LRRC8C: variants seen among roughly 807,000 people sequenced by gnomAD.
LRRC8C encodes leucine rich repeat containing 8 VRAC subunit C, also known as volume-regulated anion channel subunit LRRC8C.
Under a neutral mutation model 55.3 loss-of-function variants are expected in LRRC8C, and 20 were observed. The ratio of observed to expected loss-of-function variants is 0.36; its 90% CI spans 0.25 to 0.53. The LOEUF (loss-of-function observed/expected upper bound fraction) is 0.53. LRRC8C is among the 20% of genes least tolerant of loss of function. The probability of loss-of-function intolerance (pLI) is 0.92; values close to 1 mark genes in which losing one functional copy is unlikely to be tolerated. For missense variants in LRRC8C, 659 were observed against 951.4 expected (o/e 0.69, Z 4.04); for synonymous variants, 376 against 360.7 (o/e 1.04, Z -0.48).
rs1658713363 is a variant in LRRC8C at position 89,713,422 on chromosome 1, T to G, written c.852T>G (p.Val284=). ...TCATTGCATATAATAGTGCTCTGGT[T>G]TCCAAGGTCCAGTTTACAGTGGACT... ...LIIIAYNSAL[V]SKVQFTVDCN... The change falls in exon 3 of 3, where the codon GTT becomes GTG. Residue 284 remains valine, a synonymous_variant. Coordinates refer to ENST00000370454, the MANE Select transcript of LRRC8C (RefSeq NM_032270.5). This position sits in a 1 kb window ranked among gnomAD's most constrained non-coding sequence, Gnocchi z 5.2. 1 of 1,614,056 alleles carries G rather than the reference T, an allele frequency of 6.2e-7. No individual in the cohort carries two copies. The highest frequency in any genetic ancestry group is 1.3e-5 in the African/African-American group (1 of 74,936).
At chr1:89,690,183 A>T (rs1422625843) in intron 2 of LRRC8C, among the ~76,000 whole-genome samples, 1 of 152,184 alleles carries the variant, frequency 6.6e-6, no homozygotes, top group African/African-American at 2.4e-5. Context: ...AGGAGGCATC[A>T]TCCACCAGAA....
In LRRC8C at chr1:89,709,266, C is replaced by A. The variant is rs115898241; in HGVS notation, c.139-3443C>A. 6.0e-3 allele frequency among the ~76,000 whole-genome samples: 919 copies of A among 152,348 alleles called. 11 individuals are homozygous for A. Among genetic ancestry groups the A allele is most frequent in the African/African-American group, 0.021 (884 of 41,578 alleles). Reference sequence around the variant, plus strand: ...AAATTCCTGTTCTGCCATTTCCTAGCTGCGTGAACTTGTGCAGGTCACTGA... The same window carrying A: ...AAATTCCTGTTCTGCCATTTCCTAGATGCGTGAACTTGTGCAGGTCACTGA... On this transcript the variant is annotated intron_variant, in intron 2 of 2. Transcript: ENST00000370454.
intron 1 of LRRC8C, among the ~76,000 whole-genome samples, chr1:89,679,133 G>A (rs1570717989): frequency 6.6e-6 from 1 of 152,102 alleles, no homozygotes; most frequent in Admixed American, 6.5e-5. Flanking sequence ...CAAGGGGGTC[G>A]GGGAGAAGAG....
At chr1:89,653,923 AC>A (rs1656863236) in intron 1 of LRRC8C, among the ~76,000 whole-genome samples, 2 of 152,268 alleles carry the variant, frequency 1.3e-5, no homozygotes, top group Admixed American at 6.5e-5. Flanking sequence ...TCAAAAAGCT[AC>A]CCGCACTTGT....
At chr1:89,654,790 G>C (rs1656893543) in intron 1 of LRRC8C, among the ~76,000 whole-genome samples, 1 of 150,916 alleles carries the variant, frequency 6.6e-6, no homozygotes, top group African/African-American at 2.4e-5. Context: ...CCTCCTCCAA[G>C]CTTTTAGGAT....
intron 2 of LRRC8C, among the ~76,000 whole-genome samples, chr1:89,689,670 G>A (rs960713391): frequency 2.0e-5 from 3 of 152,110 alleles, no homozygotes; most frequent in African/African-American, 2.4e-5. Flanking sequence ...GCCGGGCATG[G>A]TGGCTCACAC....
chr1:89,684,495 G>T (rs923636084), intron 1 of LRRC8C, among the ~76,000 whole-genome samples: 3 of 152,148 alleles, frequency 2.0e-5, no homozygotes, highest in Middle Eastern at 3.2e-3. Flanking sequence ...CAGGCAGTAT[G>T]GCAAGTAATG....
chr1:89,714,438 A>G lies in LRRC8C; in HGVS notation c.1868A>G (p.Asn623Ser), dbSNP rs774193603. ...CAGGAATTGGACCTGAAGGAAAACA[A>G]TCTGAAATCTATAGAAGAAATCGTT... ...SLQELDLKENNLKSIEEIVSF... is the reference protein window; with the variant it reads ...SLQELDLKENSLKSIEEIVSF... The change falls in exon 3 of 3, where the codon AAT (asparagine) becomes AGT (serine). Residue 623 changes from asparagine to serine, a missense_variant. Transcript: ENST00000370454. This position sits in a 1 kb window ranked among gnomAD's most constrained non-coding sequence, Gnocchi z 4.6. 2.5e-6 allele frequency: 4 copies of G among 1,614,230 alleles called. No individual in the cohort carries two copies. Among genetic ancestry groups the G allele is most frequent in the South Asian group, 1.1e-5 (1 of 91,086 alleles).
chr1:89,684,663 G>A (rs1657820620), intron 1 of LRRC8C, among the ~76,000 whole-genome samples: 1 of 152,160 alleles, frequency 6.6e-6, no homozygotes, highest in African/African-American at 2.4e-5. Context: ...AGGCCATAAA[G>A]TGTCAGGAAA....
chr1:89,671,399 A>T (rs1657411023), intron 1 of LRRC8C, among the ~76,000 whole-genome samples: 1 of 149,952 alleles, frequency 6.7e-6, no homozygotes, highest in Admixed American at 6.6e-5. Context: ...TCCTCTGAGC[A>T]AAGACAATCT....
intron 1 of LRRC8C, among the ~76,000 whole-genome samples, chr1:89,643,328 C>G (rs1347494778): frequency 6.6e-6 from 1 of 152,226 alleles, no homozygotes; most frequent in Non-Finnish European, 1.5e-5. Context: ...AGTGATCCAC[C>G]TGCCCTGCCT....
At chr1:89,677,988 T>C (rs1657595842) in intron 1 of LRRC8C, among the ~76,000 whole-genome samples, 1 of 152,248 alleles carries the variant, frequency 6.6e-6, no homozygotes, top group African/African-American at 2.4e-5. Context: ...CAACTGATGT[T>C]TTCAGCATAT....
chr1:89,681,894 A>G (rs6428565), intron 1 of LRRC8C, among the ~76,000 whole-genome samples: 150,073 of 152,308 alleles, frequency 0.99, 73,961 homozygotes, highest in Middle Eastern at 1. Context: ...TTACTCAAAA[A>G]AATTTAAATG....
In LRRC8C at chr1:89,644,551, A is replaced by G. The variant is rs1175082365; in HGVS notation, c.-5+11229A>G. On this transcript the variant is annotated intron_variant, in intron 1 of 2. Coordinates refer to ENST00000370454, the MANE Select transcript of LRRC8C (RefSeq NM_032270.5). ...AGAGACTCCACTGGATGAGATTTGA[A>G]TTATGACTTTTCTCCTGAAACCAGT... is the stretch of plus-strand genomic sequence containing the variant. 2.0e-5 allele frequency among the ~76,000 whole-genome samples: 3 copies of G among 152,228 alleles called. No individual in the cohort carries two copies. In the East Asian group the frequency reaches 5.8e-4, roughly 29 times the overall value.
rs543697507 is a variant in LRRC8C, at chr1:89,718,733, A to G, written c.*3751A>G. On this transcript the variant is annotated 3_prime_UTR_variant, in exon 3 of 3. Transcript: ENST00000370454. ...TTTTTAGAGACTAAATTAAGATTCA[A>G]TTAACATTATCCTATGAATTCTGAA... 5.3e-5 allele frequency: 8 copies of G among 152,324 alleles called. No individual in the cohort carries two copies. The highest frequency in any genetic ancestry group is 1.9e-4 in the East Asian group (1 of 5,192). The allele number at this position is 152,324 out of a possible 1,614,324, so 9.4% of individuals were successfully genotyped here. A position where few individuals can be genotyped will look rare whatever the true frequency, so the allele number is the denominator to read the frequency against.
intron 2 of LRRC8C, among the ~76,000 whole-genome samples, chr1:89,702,141 C>A (rs1302410301): frequency 6.6e-6 from 1 of 151,952 alleles, no homozygotes; most frequent in Non-Finnish European, 1.5e-5. Flanking sequence ...CTCTGTGAGG[C>A]CTGACATCAC....
rs1232818142 is a variant in LRRC8C at position 89,712,654 on chromosome 1, CATT to C, written c.139-52_139-50del. 13 of 1,297,648 alleles carry C rather than the reference CATT, an allele frequency of 1.0e-5. No individual in the cohort carries two copies. The African/African-American group carries it at 1.9e-4, about 19-fold the overall frequency. The allele number at this position is 1,297,648 out of a possible 1,614,324, so 80.4% of individuals were successfully genotyped here. A position where few individuals can be genotyped will look rare whatever the true frequency, so the allele number is the denominator to read the frequency against. ...ACTGCTGCTTTCTTTGCAGTAATGA[CATT>C]ATGAAAGCTCTTTGAGTAATATAAT... On this transcript the variant is annotated intron_variant, in intron 2 of 2. Coordinates refer to ENST00000370454, the MANE Select transcript of LRRC8C (RefSeq NM_032270.5).
At chr1:89,703,489 A>G (rs1658387487) in intron 2 of LRRC8C, among the ~76,000 whole-genome samples, 1 of 151,278 alleles carries the variant, frequency 6.6e-6, no homozygotes, top group Non-Finnish European at 1.5e-5. Context: ...AGGATCTAAG[A>G]AAACTAGTGA....
At chr1:89,706,608 T>C (rs1223800406) in intron 2 of LRRC8C, among the ~76,000 whole-genome samples, 1 of 152,186 alleles carries the variant, frequency 6.6e-6, no homozygotes, top group Admixed American at 6.5e-5. Context: ...TATTTCAGTA[T>C]GCAATAGAGC....
Sources: allele counts gnomAD v4.1 joint callset (sites outside exome capture counted in the v4.1 genomes callset), GRCh38; gene constraint gnomAD v4.1.1; non-coding constraint Gnocchi (gnomAD v3.1); transcripts MANE v1.5; gene names NCBI Gene and HGNC (gene_info 2026-07-23, HGNC 2026-07-21).